NARS2: variants seen among roughly 807,000 people sequenced by gnomAD.
NARS2 encodes the protein asparaginyl-tRNA synthetase.
NARS2 carries 60 observed loss-of-function variants against 62.9 expected under a neutral mutation model. The observed-to-expected ratio is 0.95, with a 90% CI of 0.77 to 1.18. The LOEUF (loss-of-function observed/expected upper bound fraction) is 1.18. Among genes scored for constraint, NARS2 ranks in the 50% most tolerant of loss-of-function variants. The pLI, the probability that NARS2 is intolerant of heterozygous loss-of-function variation, is 0.00. For missense variants in NARS2, 619 were observed against 576.4 expected (o/e 1.07, Z -0.76); for synonymous variants, 196 against 200.0 (o/e 0.98, Z 0.17).
chr11:78,493,244 T>G (rs1310408935), intron 6 of NARS2, 49 bp from the exon 7 acceptor site: 4 of 1,490,548 alleles, frequency 2.7e-6, no homozygotes, highest in Non-Finnish European at 3.6e-6. Context: ...ATGATTAATT[T>G]TAAGTATTTA....
At chr11:78,529,510 T>C (rs540323021) in intron 5 of NARS2, among the ~76,000 whole-genome samples, 3 of 152,340 alleles carry the variant, frequency 2.0e-5, no homozygotes, top group African/African-American at 7.2e-5. Context: ...AAAACCTTTA[T>C]GAACTTACAA....
At chr11:78,501,752 GA>G (rs1273939601) in intron 6 of NARS2, among the ~76,000 whole-genome samples, 2 of 152,186 alleles carry the variant, frequency 1.3e-5, no homozygotes, top group Non-Finnish European at 2.9e-5. Flanking sequence ...GTGTAAACGT[GA>G]AATTGTATAA....
chr11:78,444,621 A>C (rs1305289793), intron 11 of NARS2, among the ~76,000 whole-genome samples: 1 of 151,770 alleles, frequency 6.6e-6, no homozygotes, highest in Non-Finnish European at 1.5e-5. Context: ...TGGGAGGCCG[A>C]GGCAGGAGAA....
intron 7 of NARS2, among the ~76,000 whole-genome samples, chr11:78,488,348 A>G (rs753255948): frequency 1.4e-4 from 22 of 152,118 alleles, no homozygotes; most frequent in Non-Finnish European, 3.1e-4. Flanking sequence ...TACGTGAAAG[A>G]GGGAGGCATG....
At chr11:78,545,536 T>TG (rs1411564496) in intron 5 of NARS2, among the ~76,000 whole-genome samples, 2 of 151,162 alleles carry the variant, frequency 1.3e-5, no homozygotes, top group African/African-American at 4.9e-5. Context: ...TTTTTTTTTT[T>TG]TTTTTTGAGA....
At chr11:78,530,691 T>A (rs576113987) in intron 5 of NARS2, among the ~76,000 whole-genome samples, 1 of 152,290 alleles carries the variant, frequency 6.6e-6, no homozygotes, top group East Asian at 1.9e-4. Context: ...CAGGATGGTC[T>A]CCTGACCTCA....
At chr11:78,445,676 A>AC (rs1452786406) in intron 11 of NARS2, among the ~76,000 whole-genome samples, 1 of 152,180 alleles carries the variant, frequency 6.6e-6, no homozygotes, top group Admixed American at 6.5e-5. Flanking sequence ...GTGGCTGGGC[A>AC]CAGTGGCATG....
At chr11:78,505,603 T>C (rs888656603) in intron 6 of NARS2, among the ~76,000 whole-genome samples, 5 of 152,188 alleles carry the variant, frequency 3.3e-5, no homozygotes, top group African/African-American at 1.2e-4. Context: ...CTGTATCTTA[T>C]CATCATTATC....
chr11:78,563,796 A>T (rs1179679291), intron 4 of NARS2, among the ~76,000 whole-genome samples: 2 of 120,968 alleles, frequency 1.7e-5, no homozygotes, highest in African/African-American at 6.4e-5. Context: ...ATGCCACTGC[A>T]CTCCAGCCTG....
intron 11 of NARS2, among the ~76,000 whole-genome samples, chr11:78,445,211 A>T (rs76749403): frequency 0.035 from 5,391 of 152,316 alleles, 331 homozygotes; most frequent in African/African-American, 0.12. Flanking sequence ...AATAGAAAAC[A>T]TCAAAAAACT....
rs1197929255 is a variant in NARS2 at position 78,459,191 on chromosome 11, A to AGG, written c.1164+6684_1164+6685insCC. ...TGACCTCCCAAAGTGCTGGGATTAC[A>AGG]AGCATGAGCCACGGCGCCGGTCAAT... On this transcript the variant is annotated intron_variant, in intron 11 of 13. Coordinates refer to ENST00000281038, the MANE Select transcript of NARS2 (RefSeq NM_024678.6). Among the ~76,000 whole-genome samples, 399 of 150,336 alleles carry AGG rather than the reference A, an allele frequency of 2.7e-3. 1 individual carries two copies. The highest frequency in any genetic ancestry group is 9.4e-3 in the African/African-American group (380 of 40,310).
chr11:78,441,190 G>A (rs1857567623), intron 12 of NARS2, 73 bp from the exon 13 acceptor site: 3 of 1,375,734 alleles, frequency 2.2e-6, no homozygotes, highest in Non-Finnish European at 3.1e-6. Flanking sequence ...CATTTATTCT[G>A]GGTGTGTGCA....
intron 11 of NARS2, among the ~76,000 whole-genome samples, chr11:78,456,570 A>G (rs1858171361): frequency 6.6e-6 from 1 of 152,184 alleles, no homozygotes; most frequent in Non-Finnish European, 1.5e-5. Context: ...CCCTTGGCTG[A>G]GTATTCTCCT....
intron 5 of NARS2, among the ~76,000 whole-genome samples, chr11:78,557,014 C>T (rs1056796951): frequency 6.6e-6 from 1 of 152,160 alleles, no homozygotes; most frequent in African/African-American, 2.4e-5. Context: ...ACCAAATGTC[C>T]GTTAATAACG....
At chr11:78,505,269 T>TACACACACACAC (rs10533814) in intron 6 of NARS2, among the ~76,000 whole-genome samples, 42 of 133,428 alleles carry the variant, frequency 3.1e-4, no homozygotes, top group African/African-American at 3.8e-4. Context: ...GAAAACAAAA[T>TACACACACACAC]ACACACACAC....
chr11:78,460,735 G>T (rs895252015), intron 11 of NARS2, among the ~76,000 whole-genome samples: 2 of 152,176 alleles, frequency 1.3e-5, no homozygotes, highest in African/African-American at 2.4e-5. Context: ...AGTTTTGGAT[G>T]TGTTGTGTTT....
intron 9 of NARS2, among the ~76,000 whole-genome samples, chr11:78,476,308 G>C (rs1280980373): frequency 6.6e-6 from 1 of 152,176 alleles, no homozygotes; most frequent in African/African-American, 2.4e-5. Flanking sequence ...GGTAGTCTAG[G>C]CCTTACCCCC....
At chr11:78,447,236 A>T (rs1455734599) in intron 11 of NARS2, among the ~76,000 whole-genome samples, 1 of 151,442 alleles carries the variant, frequency 6.6e-6, no homozygotes, top group Non-Finnish European at 1.5e-5. Flanking sequence ...CTCAGGCTGG[A>T]CTTGAACTCC....
chr11:78,568,606 C>T, intron 3 of NARS2, 26 bp downstream of exon 3: 2 of 1,603,022 alleles, frequency 1.2e-6, no homozygotes, highest in Non-Finnish European at 1.7e-6. Flanking sequence ...CCTAAACAGC[C>T]TCCACAAAAG....
Sources: gnomAD v4.1 joint callset for allele counts (sites outside exome capture counted in the v4.1 genomes callset) on GRCh38, gnomAD v4.1.1 for gene constraint, MANE v1.5 for transcripts, NCBI Gene and HGNC (gene_info 2026-07-23, HGNC 2026-07-21) for gene names.